Variants in EPB41L5 observed in about 807,000 individuals in gnomAD.
EPB41L5 encodes band 4.1-like protein 5.
EPB41L5 carries 55 observed loss-of-function variants against 106.6 expected under a neutral mutation model. That is an observed-to-expected ratio of 0.52 (90% CI 0.42 to 0.65). The LOEUF is 0.65. EPB41L5 is among the 30% of genes least tolerant of loss of function. The pLI, the probability that EPB41L5 is intolerant of heterozygous loss-of-function variation, is 0.00. For missense variants in EPB41L5, 871 were observed against 882.1 expected, an observed-to-expected ratio of 0.99 and a Z score of 0.16; for synonymous variants, 297 against 306.7, an observed-to-expected ratio of 0.97 and a Z score of 0.33.
intron 18 of EPB41L5, among the ~76,000 whole-genome samples, chr2:120,135,035 G>A (rs1574734318): frequency 6.6e-6 from 1 of 152,218 alleles, no homozygotes; most frequent in East Asian, 1.9e-4. Context: ...CTGTTTTGAG[G>A]AAACTCAGTG....
intron 19 of EPB41L5, among the ~76,000 whole-genome samples, chr2:120,143,636 G>A (rs576691567): frequency 5.9e-5 from 9 of 152,178 alleles, no homozygotes; most frequent in Non-Finnish European, 8.8e-5. Flanking sequence ...CAGGACAGAA[G>A]CCTGCCTCAC....
intron 1 of EPB41L5, among the ~76,000 whole-genome samples, chr2:120,017,984 C>T (rs541072721): frequency 6.1e-5 from 8 of 131,862 alleles, no homozygotes; most frequent in African/African-American, 5.5e-5. Context: ...TTTTTTGAGA[C>T]GGAGTCTTGC....
At chr2:120,169,080 T>C (rs1356097456) in intron 24 of EPB41L5, among the ~76,000 whole-genome samples, 1 of 152,150 alleles carries the variant, frequency 6.6e-6, no homozygotes, top group Non-Finnish European at 1.5e-5. Context: ...GCAGAGCTTA[T>C]CTCTTTCTTC....
intron 2 of EPB41L5, among the ~76,000 whole-genome samples, chr2:120,031,660 T>A (rs929833017): frequency 6.6e-6 from 1 of 152,152 alleles, no homozygotes; most frequent in Non-Finnish European, 1.5e-5. Context: ...TTCTACACAC[T>A]CTGACCATCC....
At chr2:120,058,299 C>T (rs1326141433) in intron 3 of EPB41L5, among the ~76,000 whole-genome samples, 1 of 152,144 alleles carries the variant, frequency 6.6e-6, no homozygotes, top group Non-Finnish European at 1.5e-5. Flanking sequence ...GATCCACCCA[C>T]CTCAGCCTCC....
intron 14 of EPB41L5, among the ~76,000 whole-genome samples, chr2:120,095,009 T>C (rs907208279): frequency 1.3e-5 from 2 of 152,120 alleles, no homozygotes; most frequent in Non-Finnish European, 2.9e-5. Context: ...AAGAAGAGTA[T>C]ATATTTTGCT....
intron 16 of EPB41L5, among the ~76,000 whole-genome samples, chr2:120,109,204 G>C (rs970745403): frequency 1.3e-5 from 2 of 152,106 alleles, no homozygotes; most frequent in South Asian, 2.1e-4. Context: ...CATATAGCTG[G>C]TGAATGTGAA....
intron 16 of EPB41L5, among the ~76,000 whole-genome samples, chr2:120,126,573 T>A (rs1685468695): frequency 6.6e-6 from 1 of 152,224 alleles, no homozygotes; most frequent in Non-Finnish European, 1.5e-5. Flanking sequence ...TCTCCTGATT[T>A]ATCTTGTCAA....
intron 2 of EPB41L5, among the ~76,000 whole-genome samples, chr2:120,024,933 G>A (rs962943713): frequency 5.9e-5 from 9 of 152,150 alleles, no homozygotes; most frequent in South Asian, 4.1e-4. Context: ...TTTTCGCATC[G>A]ATGTTCATCA....
chr2:120,108,926 A>G (rs1684596215), intron 16 of EPB41L5, among the ~76,000 whole-genome samples: 1 of 152,220 alleles, frequency 6.6e-6, no homozygotes, highest in African/African-American at 2.4e-5. Context: ...ACATTAAAAT[A>G]TTTGAGTAGT....
At chr2:120,091,872 T>G (rs1683434555) in intron 13 of EPB41L5, among the ~76,000 whole-genome samples, 1 of 152,166 alleles carries the variant, frequency 6.6e-6, no homozygotes, top group Non-Finnish European at 1.5e-5. Flanking sequence ...TAATCCCAAT[T>G]CAAATGATAG....
chr2:120,071,075 A>G (rs979692175), intron 3 of EPB41L5, among the ~76,000 whole-genome samples: 14 of 152,194 alleles, frequency 9.2e-5, no homozygotes, highest in African/African-American at 2.7e-4. Context: ...ACATGATTGT[A>G]TATTTAGAAA....
intron 3 of EPB41L5, among the ~76,000 whole-genome samples, chr2:120,045,543 T>G (rs1479613428): frequency 6.6e-6 from 1 of 152,150 alleles, no homozygotes; most frequent in Non-Finnish European, 1.5e-5. Context: ...ACCAGGAAAT[T>G]AACACAATGA....
rs148652393 is a variant in EPB41L5, at chr2:120,045,078, C to T, written c.285+2968C>T. ...GTGGGGTGAAGGGAAGCGTAAAATG[C>T]GACCAAGGAATTACATGCTATAATT... On this transcript the variant is annotated intron_variant, in intron 3 of 24. Coordinates refer to ENST00000263713, the MANE Select transcript of EPB41L5 (RefSeq NM_020909.4). Among the ~76,000 whole-genome samples, 380 of 152,226 alleles carry T rather than the reference C, an allele frequency of 2.5e-3. 1 individual carries two copies. The highest frequency in any genetic ancestry group is 5.0e-3 in the Admixed American group (77 of 15,278).
intron 2 of EPB41L5, among the ~76,000 whole-genome samples, chr2:120,037,556 C>T (rs1340252495): frequency 1.3e-5 from 2 of 152,088 alleles, no homozygotes; most frequent in Non-Finnish European, 2.9e-5. Context: ...ATGGCTCACA[C>T]CTGTAATTCC....
chr2:120,073,076 G>T, intron 3 of EPB41L5, 102 bp from the exon 4 acceptor site: 2 of 963,890 alleles, frequency 2.1e-6, no homozygotes, highest in Non-Finnish European at 3.2e-6. Context: ...GTATTTCCTT[G>T]CGGTTATCAG....
intron 2 of EPB41L5, among the ~76,000 whole-genome samples, chr2:120,035,361 A>G (rs569887045): frequency 1.3e-5 from 2 of 152,144 alleles, no homozygotes; most frequent in Non-Finnish European, 2.9e-5. Flanking sequence ...GGCTTCCCAA[A>G]GTGCTGGGAT....
intron 20 of EPB41L5, 37 bp downstream of exon 20, chr2:120,146,326 T>A: frequency 6.9e-7 from 1 of 1,458,544 alleles, no homozygotes; most frequent in African/African-American, 1.4e-5. Context: ...ATTGATGTTC[T>A]TATCTATCTT....
chr2:120,168,768 A>G (rs1180941178), intron 24 of EPB41L5, among the ~76,000 whole-genome samples: 2 of 152,230 alleles, frequency 1.3e-5, no homozygotes, highest in African/African-American at 4.8e-5. Flanking sequence ...AAAGTAGCAT[A>G]TTACTCAGCA....
Sources: gnomAD v4.1 joint callset for allele counts (sites outside exome capture counted in the v4.1 genomes callset) on GRCh38, gnomAD v4.1.1 for gene constraint, MANE v1.5 for transcripts, NCBI Gene and HGNC (gene_info 2026-07-23, HGNC 2026-07-21) for gene names.